Variants in ALMS1 observed in about 807,000 individuals in gnomAD.
ALMS1 encodes the protein centrosome-associated protein ALMS1.
ALMS1 carries 271 observed loss-of-function variants against 352.2 expected under a neutral mutation model. That is an observed-to-expected ratio of 0.77 (90% CI 0.70 to 0.85). The LOEUF (loss-of-function observed/expected upper bound fraction) is 0.85, where lower values mean the gene tolerates loss of function less well. ALMS1 is among the 40% of genes least tolerant of loss of function. The pLI is 0.00. For synonymous variants in ALMS1, 1,865 were observed against 1,761.2 expected (o/e 1.06, Z -1.48); for missense variants, 5,445 against 4,870.7 (o/e 1.12, Z -3.51).
In ALMS1 at chr2:73,490,618, C is replaced by G. The variant is rs774229677; in HGVS notation, c.8659C>G (p.Leu2887Val). Residue 2887 changes from leucine to valine, a missense_variant, in exon 10 of 23, where the codon CTC (leucine) becomes GTC (valine). Coordinates refer to ENST00000613296, the MANE Select transcript of ALMS1 (RefSeq NM_001378454.1). ...TTGCATTTTTCTTGAACAACGAGAG[C>G]TCTTTGAACAAAGCAAAGCCCCACG... ...PSCIFLEQRELFEQSKAPRAD... is the reference protein window; with the variant it reads ...PSCIFLEQREVFEQSKAPRAD... 6.2e-7 allele frequency: 1 copy of G among 1,614,048 alleles called. No individual in the cohort carries two copies. Among genetic ancestry groups the G allele is most frequent in the African/African-American group, 1.3e-5 (1 of 74,928 alleles).
chr2:73,453,757 C>G lies in ALMS1; in HGVS notation c.7230C>G (p.Val2410=). ...AAATTATTATCCCTATGATGACTGTCATAAAAAGTGATTCAAGTAGTGATG... is the reference window on the plus strand; with the variant it reads ...AAATTATTATCCCTATGATGACTGTGATAAAAAGTGATTCAAGTAGTGATG... ...GNKIIIPMMT[V]IKSDSSSDAS... is the part of the protein sequence containing the mutation. Residue 2410 remains valine (V), a synonymous_variant, in exon 8 of 23, where the codon GTC becomes GTG. Transcript: ENST00000613296. The G allele has an allele frequency of 6.2e-7, 1 of 1,614,090 alleles. No homozygotes were observed. Among genetic ancestry groups the G allele is most frequent in the Non-Finnish European group, 8.5e-7 (1 of 1,180,004 alleles).
intron 11 of ALMS1, among the ~76,000 whole-genome samples, chr2:73,525,667 C>T (rs540966445): frequency 6.6e-6 from 1 of 150,544 alleles, no homozygotes; most frequent in African/African-American, 2.4e-5. Context: ...GTTCTTTATA[C>T]ATTATGGCTA....
intron 11 of ALMS1, among the ~76,000 whole-genome samples, chr2:73,532,198 C>T (rs933699402): frequency 6.6e-6 from 1 of 152,208 alleles, no homozygotes; most frequent in Admixed American, 6.5e-5. Context: ...GACCTGAAGC[C>T]AGCACACACT....
chr2:73,594,286 T>A (rs1159765880), intron 16 of ALMS1, among the ~76,000 whole-genome samples: 4 of 152,246 alleles, frequency 2.6e-5, no homozygotes, highest in Admixed American at 2.6e-4. Context: ...GATAATTATA[T>A]TGGGTTGAGA....
At position 73,608,483 on chromosome 2, in the gene ALMS1, A is replaced by G; in HGVS notation, c.12371A>G (p.Glu4124Gly). 1 of 1,613,584 alleles carries G rather than the reference A, an allele frequency of 6.2e-7. No individual in the cohort carries two copies. Among genetic ancestry groups the G allele is most frequent in the Non-Finnish European group, 8.5e-7 (1 of 1,179,612 alleles). ...EMIQRSKRIY[E>G]QLPEVQKKRE... ...CTGGTGCCATTTCTAAGGATTTATG[A>G]GCAGCTTCCAGAAGTACAGAAAAAG... The change falls in exon 22 of 23, where the codon GAG becomes GGG. Residue 4124 changes from glutamate (E) to glycine (G), a missense_variant. Transcript: ENST00000613296.
At chr2:73,464,319 A>G (rs551538537) in intron 9 of ALMS1, among the ~76,000 whole-genome samples, 5 of 152,256 alleles carry the variant, frequency 3.3e-5, no homozygotes, top group Non-Finnish European at 7.3e-5. Flanking sequence ...GTAATCCAGC[A>G]TATACACAGA....
At chr2:73,536,493 T>C (rs1674031243) in intron 12 of ALMS1, among the ~76,000 whole-genome samples, 1 of 152,146 alleles carries the variant, frequency 6.6e-6, no homozygotes, top group South Asian at 2.1e-4. Context: ...TGTTTTTTCA[T>C]GTTTTCATCT....
At chr2:73,499,024 A>G (rs370862723) in intron 10 of ALMS1, among the ~76,000 whole-genome samples, 2 of 152,094 alleles carry the variant, frequency 1.3e-5, no homozygotes, top group African/African-American at 4.8e-5. Context: ...CCTCCAAACT[A>G]TTCTCCTTAG....
chr2:73,451,195 A>T lies in ALMS1; in HGVS notation c.4668A>T (p.Pro1556=). The T allele has an allele frequency of 6.2e-7, 1 of 1,614,016 alleles. No individual in the cohort carries two copies. Among genetic ancestry groups the T allele is most frequent in the Non-Finnish European group, 8.5e-7 (1 of 1,179,988 alleles). Residue 1556 remains proline, a synonymous_variant, in exon 8 of 23, where the codon CCA becomes CCT. Transcript: ENST00000613296. The part of the protein sequence containing the change: ...EALRVSSAPG[P]ADQTTGIPTI... ...TCAGAGTTTCTTCTGCTCCTGGACCAGCTGACCAGACAACTGGCATACCAA... is the reference window on the plus strand; with the variant it reads ...TCAGAGTTTCTTCTGCTCCTGGACCTGCTGACCAGACAACTGGCATACCAA...
chr2:73,601,024 A>T (rs1675672890), intron 18 of ALMS1, 143 bp downstream of exon 18: 8 of 1,398,246 alleles, frequency 5.7e-6, no homozygotes, highest in Non-Finnish European at 7.8e-6. Context: ...AGAGTCCAGC[A>T]TGGCAGTTAC....
intron 2 of ALMS1, among the ~76,000 whole-genome samples, chr2:73,412,824 A>G (rs1572907042): frequency 6.6e-6 from 1 of 152,068 alleles, no homozygotes; most frequent in Non-Finnish European, 1.5e-5. Flanking sequence ...ACAAAACCCT[A>G]GGAATGGGTT....
chr2:73,471,154 A>G (rs1418855062), intron 9 of ALMS1: 3 of 150,198 alleles, frequency 2.0e-5, no homozygotes, highest in African/African-American at 4.9e-5. Context: ...TCTTTCTTGT[A>G]GTTGTTTTGT....
chr2:73,510,762 C>T (rs999854227), intron 10 of ALMS1, among the ~76,000 whole-genome samples: 2 of 152,208 alleles, frequency 1.3e-5, no homozygotes, highest in Non-Finnish European at 2.9e-5. Flanking sequence ...ATCTGCTGCT[C>T]TATTCAGAGC....
chr2:73,463,058 A>G (rs1672243149), intron 9 of ALMS1, among the ~76,000 whole-genome samples: 1 of 152,192 alleles, frequency 6.6e-6, no homozygotes, highest in South Asian at 2.1e-4. Flanking sequence ...CGAGACAGAA[A>G]GTTAACAAGG....
At chr2:73,510,940 C>G (rs138907503) in intron 10 of ALMS1, among the ~76,000 whole-genome samples, 3,042 of 152,256 alleles carry the variant, frequency 0.02, 110 homozygotes, top group African/African-American at 0.065. Context: ...GAGAGGCAGT[C>G]TGGGCTTCAC....
intron 1 of ALMS1, among the ~76,000 whole-genome samples, chr2:73,391,294 C>CTTTTTTTTTTTTTTTTTTTTTTTT (rs397972016): frequency 2.6e-5 from 3 of 114,928 alleles, no homozygotes; most frequent in African/African-American, 4.1e-5. Flanking sequence ...ACGTTTTATT[C>CTTTTTTTTTTTTTTTTTTTTTTTT]TTTTTTTTTT....
intron 11 of ALMS1, among the ~76,000 whole-genome samples, chr2:73,521,684 A>T (rs1348001770): frequency 6.6e-6 from 1 of 151,142 alleles, no homozygotes; most frequent in Non-Finnish European, 1.5e-5. Context: ...CAGGAGGCGG[A>T]GCTTGCAGTG....
chr2:73,431,955 A>G (rs985523911), intron 6 of ALMS1, among the ~76,000 whole-genome samples: 1 of 152,184 alleles, frequency 6.6e-6, no homozygotes, highest in African/African-American at 2.4e-5. Context: ...AGGATGATTT[A>G]GTCTTCTAGA....
intron 1 of ALMS1, among the ~76,000 whole-genome samples, chr2:73,408,099 C>G (rs138196978): frequency 2.6e-5 from 4 of 152,286 alleles, no homozygotes; most frequent in Middle Eastern, 3.4e-3. Context: ...ATCTCAAGAA[C>G]CAGTCCCTGA....
Sources: gnomAD v4.1 joint callset for allele counts (sites outside exome capture counted in the v4.1 genomes callset) on GRCh38, gnomAD v4.1.1 for gene constraint, MANE v1.5 for transcripts, NCBI Gene and HGNC (gene_info 2026-07-23, HGNC 2026-07-21) for gene names.